Variants in BICDL1 observed in about 807,000 individuals in gnomAD.
BICDL1 encodes BICD family like cargo adaptor 1, also known as BICD family-like cargo adapter 1.
A neutral mutation model predicts 76.8 loss-of-function variants in BICDL1; 20 were observed. That is an observed-to-expected ratio of 0.26 (90% CI 0.18 to 0.38). BICDL1 has a LOEUF of 0.38. BICDL1 is among the 10% of genes least tolerant of loss of function. The pLI, the probability that BICDL1 is intolerant of heterozygous loss-of-function variation, is 1.00. For missense variants in BICDL1, 700 were observed against 798.6 expected (o/e 0.88, Z 1.49); for synonymous variants, 383 against 337.1 (o/e 1.14, Z -1.49).
At chr12:120,057,854 G>A (rs1404998526) in intron 2 of BICDL1, among the ~76,000 whole-genome samples, 7 of 123,326 alleles carry the variant, frequency 5.7e-5, no homozygotes, top group African/African-American at 1.4e-4. Context: ...TTTTTGAGAC[G>A]GAGTCTTGCT....
At chr12:120,092,753 C>T in intron 9 of BICDL1, 1 of 985,442 alleles carries the variant, frequency 1.0e-6, no homozygotes, top group Non-Finnish European at 1.2e-6. Context: ...GGCGGCCCAG[C>T]AGGAGTAACA....
chr12:120,039,078 C>T (rs1478772540), intron 2 of BICDL1, among the ~76,000 whole-genome samples: 1 of 151,454 alleles, frequency 6.6e-6, no homozygotes, highest in African/African-American at 2.4e-5. Context: ...GAGCGGATCA[C>T]CTGAGGTCAG....
chr12:120,014,972 G>A (rs1952030664), intron 2 of BICDL1, among the ~76,000 whole-genome samples: 1 of 152,140 alleles, frequency 6.6e-6, no homozygotes, highest in African/African-American at 2.4e-5. Flanking sequence ...GTCTGCTAAA[G>A]TTATAGGTTA....
intron 6 of BICDL1, among the ~76,000 whole-genome samples, chr12:120,073,906 ATC>A (rs1566260881): frequency 2.6e-5 from 4 of 152,014 alleles, no homozygotes. Flanking sequence ...AAATTGAGCA[ATC>A]TCTTTTTTTT....
At chr12:119,998,006 T>TGAGAAGCTGAGGCATGAGAATTGC (rs1432114790) in intron 1 of BICDL1, among the ~76,000 whole-genome samples, 3 of 152,038 alleles carry the variant, frequency 2.0e-5, no homozygotes. Context: ...TCCAGCTGCT[T>TGAGAAGCTGAGGCATGAGAATTGC]GAGAAGCTGA....
chr12:120,061,638 T>C (rs956615774), intron 2 of BICDL1, 72 bp from the exon 3 acceptor site: 22 of 1,014,458 alleles, frequency 2.2e-5, no homozygotes, highest in Non-Finnish European at 3.4e-5. Context: ...GCTTGATAAA[T>C]GAAAGCAGAA....
At chr12:120,028,679 AAATAAT>A (rs906170067) in intron 2 of BICDL1, among the ~76,000 whole-genome samples, 25 of 152,094 alleles carry the variant, frequency 1.6e-4, no homozygotes, top group Non-Finnish European at 2.9e-4. Context: ...TCAGACTCAA[AAATAAT>A]AATAATAAGA....
chr12:120,007,117 T>C (rs577501024), intron 2 of BICDL1, among the ~76,000 whole-genome samples: 18 of 152,306 alleles, frequency 1.2e-4, no homozygotes, highest in African/African-American at 4.3e-4. Context: ...CCTAGGTTTT[T>C]GTCTTGAGCT....
intron 4 of BICDL1, among the ~76,000 whole-genome samples, chr12:120,069,780 C>T (rs982414579): frequency 5.3e-5 from 8 of 152,156 alleles, no homozygotes; most frequent in African/African-American, 1.9e-4. Context: ...CCTGTGTAAC[C>T]ACCATGGAGA....
intron 8 of BICDL1, among the ~76,000 whole-genome samples, chr12:120,081,730 A>G (rs1035746608): frequency 2.7e-5 from 4 of 150,878 alleles, no homozygotes; most frequent in African/African-American, 9.7e-5. Context: ...TTTATTATGG[A>G]CATTTTCAAG....
At chr12:120,014,579 C>G (rs894653828) in intron 2 of BICDL1, among the ~76,000 whole-genome samples, 2 of 151,890 alleles carry the variant, frequency 1.3e-5, no homozygotes, top group Non-Finnish European at 2.9e-5. Context: ...TTCATCCCAG[C>G]TACTCAGGAG....
chr12:120,036,861 G>C (rs1365186261), intron 2 of BICDL1, among the ~76,000 whole-genome samples: 1 of 152,228 alleles, frequency 6.6e-6, no homozygotes, highest in East Asian at 1.9e-4. Context: ...GGGTGACAGA[G>C]TGAGACTTTG....
chr12:120,031,482 G>A (rs1005948992), intron 2 of BICDL1, among the ~76,000 whole-genome samples: 1 of 152,066 alleles, frequency 6.6e-6, no homozygotes, highest in Non-Finnish European at 1.5e-5. Flanking sequence ...GAGATTACAG[G>A]CTACTTTATT....
intron 4 of BICDL1, among the ~76,000 whole-genome samples, chr12:120,067,824 A>G (rs1953253317): frequency 6.6e-6 from 1 of 152,198 alleles, no homozygotes; most frequent in Non-Finnish European, 1.5e-5. Flanking sequence ...ATTGTGCCAA[A>G]TGCTTCCTAG....
chr12:120,088,785 G>T (rs987821157), intron 8 of BICDL1, among the ~76,000 whole-genome samples: 6 of 152,146 alleles, frequency 3.9e-5, no homozygotes, highest in African/African-American at 1.4e-4. Flanking sequence ...TCCTGCCTCA[G>T]CCTCGCCAGT....
At chr12:120,081,308 A>G (rs1873963393) in intron 8 of BICDL1, among the ~76,000 whole-genome samples, 1 of 149,280 alleles carries the variant, frequency 6.7e-6, no homozygotes, top group African/African-American at 2.5e-5. Context: ...ATGATACTCT[A>G]CATGTCTTGC....
At chr12:120,083,320 A>G (rs1594213976) in intron 8 of BICDL1, among the ~76,000 whole-genome samples, 1 of 152,248 alleles carries the variant, frequency 6.6e-6, no homozygotes, top group East Asian at 1.9e-4. Context: ...ATAGTGGCCC[A>G]GTCACAGCTA....
rs574294695 is a variant in BICDL1 at position 120,068,689 on chromosome 12, G to A, written c.910-2933G>A. ...AATTTAGCTGGACATGGCGGCGCATGCCTGTGGTCCCAGCTACTAGGGAGG... is the reference window on the plus strand; with the variant it reads ...AATTTAGCTGGACATGGCGGCGCATACCTGTGGTCCCAGCTACTAGGGAGG... On this transcript the variant is annotated intron_variant, in intron 4 of 9. Transcript: ENST00000548673. Among the ~76,000 whole-genome samples the A allele has an allele frequency of 2.4e-4, 37 of 152,352 alleles. No individual in the cohort carries two copies. The South Asian group carries it at 7.2e-3, about 30-fold the overall frequency.
intron 2 of BICDL1, among the ~76,000 whole-genome samples, chr12:120,019,632 G>C (rs1030513623): frequency 6.6e-6 from 1 of 152,088 alleles, no homozygotes; most frequent in East Asian, 1.9e-4. Context: ...TTTTGAGACC[G>C]AGTCTGGGAG....
Sources: allele counts gnomAD v4.1 joint callset (sites outside exome capture counted in the v4.1 genomes callset), GRCh38; gene constraint gnomAD v4.1.1; transcripts MANE v1.5; gene names NCBI Gene and HGNC (gene_info 2026-07-23, HGNC 2026-07-21).